Variants in GART observed in about 807,000 individuals in gnomAD.
GART encodes the protein trifunctional purine biosynthetic protein adenosine-3.
In GART, 43 loss-of-function variants were observed where a neutral mutation model predicts 107.2. That is an observed-to-expected ratio of 0.40 (90% CI 0.31 to 0.52). GART has a LOEUF of 0.52. Among genes scored for constraint, GART ranks in the 20% least tolerant of loss-of-function variants. The probability of loss-of-function intolerance (pLI) is 0.52; values close to 1 mark genes in which losing one functional copy is unlikely to be tolerated. For missense variants in GART, 1,107 were observed against 1,206.5 expected (o/e 0.92, Z 1.22); for synonymous variants, 434 against 427.0 (o/e 1.02, Z -0.20).
intron 1 of GART, 80 bp downstream of exon 1, chr21:33,541,985 G>A (rs2085441794): frequency 6.6e-6 from 1 of 152,242 alleles, no homozygotes; most frequent in Admixed American, 6.5e-5. Flanking sequence ...AGTTTCTATG[G>A]TTTCACTCAG....
upstream of GART, chr21:33,542,868 G>C (rs2085480985): frequency 1.7e-6 from 1 of 589,352 alleles, no homozygotes; most frequent in Non-Finnish European, 3.0e-6. Flanking sequence ...ACATAGTCGT[G>C]CGCGGCGCAA....
At chr21:33,517,283 A>C (rs1009658669) in intron 15 of GART, 74 bp downstream of exon 15, 5 of 1,584,836 alleles carry the variant, frequency 3.2e-6, no homozygotes, top group Non-Finnish European at 4.3e-6. Context: ...AGCTCTAAGT[A>C]ATCAGAGACT....
At chr21:33,534,525 G>A in intron 4 of GART, 54 bp downstream of exon 4, 2 of 1,592,486 alleles carry the variant, frequency 1.3e-6, no homozygotes, top group Non-Finnish European at 1.7e-6. Flanking sequence ...ACTGACCTGT[G>A]TATTTAAATA....
chr21:33,536,544 C>T (rs2085307660), intron 2 of GART, among the ~76,000 whole-genome samples: 1 of 152,130 alleles, frequency 6.6e-6, no homozygotes, highest in African/African-American at 2.4e-5. Flanking sequence ...GTGCTGAACG[C>T]TATATATATA....
At chr21:33,516,040 G>T (rs1569016225) in intron 16 of GART, among the ~76,000 whole-genome samples, 1 of 151,860 alleles carries the variant, frequency 6.6e-6, no homozygotes, top group Non-Finnish European at 1.5e-5. Flanking sequence ...TTGAGGTCAG[G>T]AATTCGAAAC....
At chr21:33,531,074 TGAA>T (rs766454724) in intron 6 of GART, 190 bp from the exon 7 acceptor site, 6 of 432,414 alleles carry the variant, frequency 1.4e-5, no homozygotes, top group Non-Finnish European at 2.3e-5. Context: ...ACTCAACTTC[TGAA>T]GGATTTGTAA....
chr21:33,538,973 G>A (rs2031053650), intron 2 of GART, among the ~76,000 whole-genome samples, 198 bp downstream of exon 2: 2 of 152,044 alleles, frequency 1.3e-5, no homozygotes, highest in South Asian at 4.2e-4. Flanking sequence ...GTAAAGACGG[G>A]GTTTCACCAT....
chr21:33,535,240 C>G lies in GART; in HGVS notation c.226G>C (p.Ala76Pro). The change falls in exon 3 of 22, where the codon GCA becomes CCA. Residue 76 changes from alanine to proline, a missense_variant. Ala to Pro is a conservative substitution (Grantham distance 27). Transcript: ENST00000381815. ...KIEFVVVGPEAPLAAGIVGNL... is the reference protein window; with the variant it reads ...KIEFVVVGPEPPLAAGIVGNL... ...CAAACTTTACCAGCAGCCAGAGGTG[C>G]TTCTGGTCCAACAACTACAAATTCA... 6.7e-7 allele frequency: 1 copy of G among 1,485,768 alleles called. No homozygotes were observed. Among genetic ancestry groups the G allele is most frequent in the South Asian group, 1.2e-5 (1 of 84,642 alleles). 92.0% of individuals were successfully genotyped at this position (1,485,768 alleles called of 1,614,324 possible). A position where few individuals can be genotyped will look rare whatever the true frequency, so the allele number is the denominator to read the frequency against.
chr21:33,507,196 C>T (rs1484868665), intron 18 of GART, among the ~76,000 whole-genome samples: 1 of 152,112 alleles, frequency 6.6e-6, no homozygotes, highest in African/African-American at 2.4e-5. Flanking sequence ...GTACATCACA[C>T]AATGGAGTAC....
intron 18 of GART, 103 bp downstream of exon 18, chr21:33,509,680 G>A (rs1430956831): frequency 8.3e-7 from 1 of 1,205,602 alleles, no homozygotes; most frequent in Admixed American, 2.3e-5. Flanking sequence ...ATTCCCCCCA[G>A]TCCCTAGACT....
At chr21:33,542,125 C>G (rs553058046), upstream of GART, 1 of 152,280 alleles carries the variant, frequency 6.6e-6, no homozygotes, top group Non-Finnish European at 1.5e-5. Flanking sequence ...CCCACCGGGA[C>G]CGGCGCGGGA....
rs8133555 is a variant in GART, at chr21:33,534,392, T to C, written c.416+187A>G. 3.5e-3 allele frequency among the ~76,000 whole-genome samples: 528 copies of C among 152,038 alleles called. 1 individual carries two copies. Among genetic ancestry groups the C allele is most frequent in the African/African-American group, 0.011 (476 of 41,464 alleles). On this transcript the variant is annotated intron_variant, in intron 4 of 21. Coordinates refer to ENST00000381815, the MANE Select transcript of GART (RefSeq NM_000819.5). The stretch of plus-strand genomic sequence containing the variant: ...CATGCCCGGCTTTTTTTTTTCTGTA[T>C]TTTTTGTAGAGACAGGGTTTTACCA...
chr21:33,534,642 C>A lies in GART; in HGVS notation c.353G>T (p.Gly118Val), dbSNP rs766304585. Residue 118 changes from glycine to valine, a missense_variant, in exon 4 of 22, where the codon GGA (glycine) becomes GTA (valine). Gly to Val is a moderately radical substitution (Grantham distance 109). Transcript: ENST00000381815. ...AGCCTTCCATTGTGCGGTTGGGATT[C>A]CATGTCTGTCCATAAACTCTTTGGC... ...RFAKEFMDRH[G>V]IPTAQWKAFT... is the part of the protein sequence containing the mutation. 3 of 1,614,172 alleles carry A rather than the reference C, an allele frequency of 1.9e-6. No homozygotes were observed. Among genetic ancestry groups the A allele is most frequent in the African/African-American group, 2.7e-5 (2 of 75,044 alleles).
intron 18 of GART, among the ~76,000 whole-genome samples, chr21:33,507,406 G>A (rs1273970793): frequency 6.6e-6 from 1 of 152,202 alleles, no homozygotes; most frequent in Non-Finnish European, 1.5e-5. Context: ...GAAGGGTAGT[G>A]GGAGAGACGG....
chr21:33,524,262 G>A (rs1405691509), intron 11 of GART: 2 of 985,776 alleles, frequency 2.0e-6, no homozygotes, highest in African/African-American at 3.5e-5. Context: ...ATAAAAATCA[G>A]TATCAGGCCA....
At chr21:33,541,056 T>G (rs1467378383) in intron 1 of GART, among the ~76,000 whole-genome samples, 1 of 152,132 alleles carries the variant, frequency 6.6e-6, no homozygotes, top group African/African-American at 2.4e-5. Context: ...CCTGTTAAAT[T>G]ACAGTCTCGG....
At chr21:33,506,171 C>CT in intron 18 of GART, 67 bp from the exon 19 acceptor site, 1 of 1,543,864 alleles carries the variant, frequency 6.5e-7, no homozygotes, top group Non-Finnish European at 8.8e-7. Context: ...GAGAGGGAGT[C>CT]TCACTCTGTC....
In GART at chr21:33,503,961, G is replaced by T; in HGVS notation, c.*163C>A. ...CAGATATGCTGCACTAACTAGTCTT[G>T]TTTTTAGTGAGTCTCTATTTATTAA... On this transcript the variant is annotated 3_prime_UTR_variant, in exon 22 of 22. Coordinates refer to ENST00000381815, the MANE Select transcript of GART (RefSeq NM_000819.5). The T allele has an allele frequency of 1.7e-6, 1 of 578,366 alleles. No homozygotes were observed. 35.8% of individuals were successfully genotyped at this position (578,366 alleles called of 1,614,324 possible).
chr21:33,540,232 A>C (rs900163806), intron 1 of GART, among the ~76,000 whole-genome samples: 1 of 152,244 alleles, frequency 6.6e-6, no homozygotes, highest in African/African-American at 2.4e-5. Context: ...ATAAACAGGC[A>C]GTGGGTCAGA....
Sources: gnomAD v4.1 joint callset for allele counts (sites outside exome capture counted in the v4.1 genomes callset) on GRCh38, gnomAD v4.1.1 for gene constraint, MANE v1.5 for transcripts, NCBI Gene and HGNC (gene_info 2026-07-23, HGNC 2026-07-21) for gene names.